SLC7A2: variants seen among roughly 807,000 people sequenced by gnomAD.
SLC7A2 encodes the protein cationic amino acid transporter 2.
SLC7A2 carries 48 observed loss-of-function variants against 58.9 expected under a neutral mutation model. The observed-to-expected ratio is 0.82, with a 90% CI of 0.65 to 1.04. SLC7A2 has a LOEUF of 1.04. SLC7A2 is among the 50% of genes least tolerant of loss of function. The pLI is 0.00. For missense variants in SLC7A2, 1,029 were observed against 818.8 expected, an observed-to-expected ratio of 1.26 and a Z score of -3.13; for synonymous variants, 363 against 314.5, an observed-to-expected ratio of 1.15 and a Z score of -1.63.
At chr8:17,523,091 G>A (rs972557590) in intron 2 of SLC7A2, among the ~76,000 whole-genome samples, 7 of 151,962 alleles carry the variant, frequency 4.6e-5, no homozygotes, top group African/African-American at 1.7e-4. Context: ...AACCACTGTG[G>A]CACATGTATA....
chr8:17,557,469 T>A (rs140039467), intron 8 of SLC7A2, among the ~76,000 whole-genome samples: 4 of 152,266 alleles, frequency 2.6e-5, no homozygotes, highest in African/African-American at 7.2e-5. Context: ...GTAGTAGAAT[T>A]TAGTCTGTTT....
At chr8:17,527,526 A>G (rs1040352629) in intron 2 of SLC7A2, among the ~76,000 whole-genome samples, 2 of 152,220 alleles carry the variant, frequency 1.3e-5, no homozygotes, top group Non-Finnish European at 2.9e-5. Flanking sequence ...TTTGTCTTAC[A>G]GTTCTGGAAA....
rs944636868 is a variant in SLC7A2, at chr8:17,566,100, C to T, written c.*954C>T. On this transcript the variant is annotated 3_prime_UTR_variant, in exon 13 of 13. Transcript: ENST00000494857. ...ATAAGTAGACCCCAAGCATCCTTTT[C>T]TAAAAAGTGACTTAAAATAAGCCAA... is the stretch of plus-strand genomic sequence containing the variant. 15 of 152,194 alleles carry T rather than the reference C, an allele frequency of 9.9e-5. No individual in the cohort carries two copies. The highest frequency in any genetic ancestry group is 1.8e-4 in the Non-Finnish European group (12 of 68,020). The allele number at this position is 152,194 out of a possible 1,614,324, so 9.4% of individuals were successfully genotyped here.
intron 1 of SLC7A2, among the ~76,000 whole-genome samples, chr8:17,497,772 C>G (rs1238067747): frequency 6.6e-6 from 1 of 152,174 alleles, no homozygotes; most frequent in Non-Finnish European, 1.5e-5. Flanking sequence ...TGCAGGGGAC[C>G]TGGTAAAATA....
rs2150648372 is a variant in SLC7A2 at position 17,504,508 on chromosome 8, A to C, written c.-23+2206A>C. 2.6e-5 allele frequency among the ~76,000 whole-genome samples: 4 copies of C among 152,346 alleles called. 1 individual carries two copies. Among genetic ancestry groups the C allele is most frequent in the Middle Eastern group, 6.8e-3 (2 of 294 alleles). ...TGGTTCTTATTATGGGATAAAATTG[A>C]GGTCATTTTGAGTGACCAAAGTAAC... On this transcript the variant is annotated intron_variant, in intron 2 of 12. Transcript: ENST00000494857.
intron 2 of SLC7A2, among the ~76,000 whole-genome samples, chr8:17,542,124 G>A (rs1389446956): frequency 6.6e-6 from 1 of 152,280 alleles, no homozygotes; most frequent in East Asian, 1.9e-4. Flanking sequence ...ATTTCAGCAG[G>A]CCTTGAGAGG....
intron 2 of SLC7A2, among the ~76,000 whole-genome samples, chr8:17,514,917 C>T (rs1800743465): frequency 6.6e-6 from 1 of 152,080 alleles, no homozygotes. Flanking sequence ...CTGTTATTGT[C>T]TGGGCCAAGT....
chr8:17,551,894 A>T lies in SLC7A2; in HGVS notation c.963A>T (p.Glu321Asp). Residue 321 changes from glutamate to aspartate, a missense_variant, in exon 7 of 13, where the codon GAA becomes GAT. Coordinates refer to ENST00000494857, the MANE Select transcript of SLC7A2 (RefSeq NM_001370338.1). Reference protein sequence around the residue: ...TLMMPYYLLDEKSPLPVAFEY... With the variant: ...TLMMPYYLLDDKSPLPVAFEY... Reference sequence around the variant, plus strand: ...TGATGCCGTACTACCTCCTCGATGAAAAAAGCCCCCTTCCTGTAGCGTTTG... The same window carrying T: ...TGATGCCGTACTACCTCCTCGATGATAAAAGCCCCCTTCCTGTAGCGTTTG... 1 of 1,613,922 alleles carries T rather than the reference A, an allele frequency of 6.2e-7. No homozygotes were observed. The highest frequency in any genetic ancestry group is 8.5e-7 in the Non-Finnish European group (1 of 1,180,000).
chr8:17,563,910 T>C (rs1173459383), intron 12 of SLC7A2, among the ~76,000 whole-genome samples, 199 bp downstream of exon 12: 3 of 152,220 alleles, frequency 2.0e-5, no homozygotes, highest in Non-Finnish European at 2.9e-5. Flanking sequence ...TGTAGAACCA[T>C]GTAGGCTCTA....
rs1320445382 is a variant in SLC7A2 at position 17,554,690 on chromosome 8, G to A, written c.1186G>A (p.Ala396Thr). The A allele has an allele frequency of 6.2e-7, 1 of 1,610,684 alleles. No individual in the cohort carries two copies. Among genetic ancestry groups the A allele is most frequent in the African/African-American group, 1.3e-5 (1 of 74,944 alleles). The change falls in exon 8 of 13, where the codon GCA becomes ACA. Residue 396 changes from alanine to threonine, a missense_variant. Transcript: ENST00000494857. ...TPIIATLSSG[A>T]VAALMAFLFD... Reference sequence around the variant, plus strand: ...AATAATTGCTACTTTATCATCGGGTGCAGTGGCAGGTGAGAGAGAGTTGAC... The same window carrying A: ...AATAATTGCTACTTTATCATCGGGTACAGTGGCAGGTGAGAGAGAGTTGAC...
chr8:17,554,349 A>G lies in SLC7A2; in HGVS notation c.1056-211A>G, dbSNP rs138769538. Among the ~76,000 whole-genome samples the G allele has an allele frequency of 9.3e-4, 142 of 152,322 alleles. 1 individual carries two copies. In the East Asian group the frequency reaches 0.025, roughly 26 times the overall value. On this transcript the variant is annotated intron_variant, in intron 7 of 12. Coordinates refer to ENST00000494857, the MANE Select transcript of SLC7A2 (RefSeq NM_001370338.1). The stretch of plus-strand genomic sequence containing the variant: ...TTGCTGCGTACTTATCTGTAACAGA[A>G]TAATGAATAGCACAATGGTAAATAT...
At chr8:17,516,782 AT>A (rs1351903021) in intron 2 of SLC7A2, among the ~76,000 whole-genome samples, 14 of 152,314 alleles carry the variant, frequency 9.2e-5, no homozygotes, top group African/African-American at 3.4e-4. Context: ...TAAGAAAAAG[AT>A]GGTTTAAGCA....
At chr8:17,542,524 G>A (rs1801956875) in intron 2 of SLC7A2, among the ~76,000 whole-genome samples, 1 of 152,136 alleles carries the variant, frequency 6.6e-6, no homozygotes, top group Non-Finnish European at 1.5e-5. Flanking sequence ...GGTGGCACAT[G>A]CCTGTGGTCC....
rs767083662 is a variant in SLC7A2, at chr8:17,565,187, A to C, written c.*41A>C. On this transcript the variant is annotated 3_prime_UTR_variant, in exon 13 of 13. Coordinates refer to ENST00000494857, the MANE Select transcript of SLC7A2 (RefSeq NM_001370338.1). ...AGCTGGTCATCGTCTTAGCATACAT[A>C]TCCTACACTGAGTAAACCGTAACGG... is the stretch of plus-strand genomic sequence containing the variant. The C allele has an allele frequency of 6.7e-7, 1 of 1,485,566 alleles. No individual in the cohort carries two copies. The highest frequency in any genetic ancestry group is 9.3e-7 in the Non-Finnish European group (1 of 1,080,650). The allele number at this position is 1,485,566 out of a possible 1,614,324, so 92.0% of individuals were successfully genotyped here.
chr8:17,570,138 C>A lies in SLC7A2; in HGVS notation c.*4992C>A, dbSNP rs1028656692. 6 of 152,186 alleles carry A rather than the reference C, an allele frequency of 3.9e-5. No individual in the cohort carries two copies. The highest frequency in any genetic ancestry group is 7.3e-5 in the Non-Finnish European group (5 of 68,042). 9.4% of individuals were successfully genotyped at this position (152,186 alleles called of 1,614,324 possible). ...CAATTTATGCACATGCACTGACAGCCTTGCTGTGCCACGTGTCTCACCAAG... is the reference window on the plus strand; with the variant it reads ...CAATTTATGCACATGCACTGACAGCATTGCTGTGCCACGTGTCTCACCAAG... On this transcript the variant is annotated 3_prime_UTR_variant, in exon 13 of 13. Transcript: ENST00000494857.
chr8:17,546,651 C>T (rs1466658167), intron 4 of SLC7A2, among the ~76,000 whole-genome samples: 2 of 152,138 alleles, frequency 1.3e-5, no homozygotes, highest in African/African-American at 4.8e-5. Context: ...TTGTGTTGAC[C>T]ATACAGCTTT....
At chr8:17,552,111 T>G (rs1585254650) in intron 7 of SLC7A2, 125 bp downstream of exon 7, 1 of 680,510 alleles carries the variant, frequency 1.5e-6, no homozygotes, top group East Asian at 2.7e-5. Flanking sequence ...CAACTTTGTA[T>G]TTATTGATTG....
intron 2 of SLC7A2, 113 bp from the exon 3 acceptor site, chr8:17,543,205 C>A: frequency 1.0e-6 from 1 of 961,114 alleles, no homozygotes; most frequent in Non-Finnish European, 1.6e-6. Flanking sequence ...CACACACACA[C>A]ACACACACAC....
At chr8:17,542,479 T>G (rs940186981) in intron 2 of SLC7A2, among the ~76,000 whole-genome samples, 1 of 152,124 alleles carries the variant, frequency 6.6e-6, no homozygotes, top group Non-Finnish European at 1.5e-5. Context: ...AGTGAGACCC[T>G]GTCTCTACGA....
Sources: gnomAD v4.1 joint callset for allele counts (sites outside exome capture counted in the v4.1 genomes callset) on GRCh38, gnomAD v4.1.1 for gene constraint, MANE v1.5 for transcripts, NCBI Gene and HGNC (gene_info 2026-07-23, HGNC 2026-07-21) for gene names.